Variants in WWOX observed in about 807,000 individuals in gnomAD.
The protein encoded by WWOX is WW domain-containing oxidoreductase.
A neutral mutation model predicts 46.2 loss-of-function variants in WWOX; 69 were observed. That is an observed-to-expected ratio of 1.49 (90% CI 1.23 to 1.82). WWOX has a LOEUF of 1.82. Among genes scored for constraint, WWOX ranks in the 40% most tolerant of loss-of-function variants. The pLI, the probability that WWOX is intolerant of heterozygous loss-of-function variation, is 0.00. For missense variants in WWOX, 919 were observed against 542.6 expected, an observed-to-expected ratio of 1.69 and a Z score of -6.89; for synonymous variants, 359 against 202.6, an observed-to-expected ratio of 1.77 and a Z score of -6.56.
intron 8 of WWOX, among the ~76,000 whole-genome samples, chr16:78,759,258 G>A (rs927459982): frequency 1.3e-5 from 2 of 152,192 alleles, no homozygotes; most frequent in African/African-American, 2.4e-5. Context: ...ATGTTTTGAA[G>A]GTGGGCATGG....
intron 8 of WWOX, among the ~76,000 whole-genome samples, chr16:78,772,630 G>A (rs1421572326): frequency 6.6e-6 from 1 of 152,222 alleles, no homozygotes; most frequent in Non-Finnish European, 1.5e-5. Context: ...GTTATTACCA[G>A]CATGGCTACT....
intron 8 of WWOX, among the ~76,000 whole-genome samples, chr16:79,155,632 C>T (rs1461963502): frequency 1.3e-5 from 2 of 149,410 alleles, no homozygotes; most frequent in East Asian, 1.9e-4. Context: ...CTCAATGATA[C>T]AGTGCGCATG....
chr16:78,306,686 C>T (rs967445688), intron 5 of WWOX, among the ~76,000 whole-genome samples: 2 of 151,492 alleles, frequency 1.3e-5, no homozygotes, highest in South Asian at 2.1e-4. Flanking sequence ...CCTGATGAGC[C>T]CTATGCCTTC....
chr16:78,754,840 A>C (rs968306764), intron 8 of WWOX, among the ~76,000 whole-genome samples: 1 of 152,148 alleles, frequency 6.6e-6, no homozygotes, highest in Non-Finnish European at 1.5e-5. Flanking sequence ...GAGCTGTACT[A>C]CCTCAGCTGG....
At chr16:78,538,965 C>T (rs1287011173) in intron 8 of WWOX, among the ~76,000 whole-genome samples, 1 of 152,174 alleles carries the variant, frequency 6.6e-6, no homozygotes, top group Non-Finnish European at 1.5e-5. Context: ...GACGGCAAAC[C>T]AAGCAATGCC....
chr16:78,555,582 C>T (rs1432127827), intron 8 of WWOX, among the ~76,000 whole-genome samples: 1 of 103,756 alleles, frequency 9.6e-6, no homozygotes, highest in Admixed American at 1.4e-4. Flanking sequence ...TAAAGGAGTG[C>T]CACTTTTTTT....
intron 8 of WWOX, among the ~76,000 whole-genome samples, chr16:78,499,002 A>G (rs1018695267): frequency 2.6e-5 from 4 of 152,238 alleles, no homozygotes; most frequent in African/African-American, 4.8e-5. Flanking sequence ...CTTTTTGTCT[A>G]TGAAGTACAC....
chr16:79,006,990 C>T (rs772300743), intron 8 of WWOX, among the ~76,000 whole-genome samples: 10 of 152,244 alleles, frequency 6.6e-5, no homozygotes, highest in South Asian at 6.2e-4. Flanking sequence ...CCCTTTGTCG[C>T]GTAACCTAAC....
intron 8 of WWOX, among the ~76,000 whole-genome samples, chr16:78,892,513 T>C (rs773550325): frequency 3.3e-5 from 5 of 152,192 alleles, no homozygotes; most frequent in Non-Finnish European, 7.3e-5. Context: ...CCAGAACACA[T>C]GTCAAGAAGT....
intron 5 of WWOX, among the ~76,000 whole-genome samples, chr16:78,221,313 T>C (rs749404196): frequency 1.3e-5 from 2 of 152,160 alleles, no homozygotes; most frequent in Non-Finnish European, 2.9e-5. Flanking sequence ...TTAGCTTTCA[T>C]AAAACAGAAA....
chr16:78,924,181 CG>C (rs2151273336), intron 8 of WWOX, among the ~76,000 whole-genome samples: 1 of 152,112 alleles, frequency 6.6e-6, no homozygotes, highest in South Asian at 2.1e-4. Flanking sequence ...CTGGGTAGAC[CG>C]GGGAAGGTAG....
chr16:78,706,105 C>G (rs1189795407), intron 8 of WWOX, among the ~76,000 whole-genome samples: 1 of 123,704 alleles, frequency 8.1e-6, no homozygotes, highest in Non-Finnish European at 1.6e-5. Flanking sequence ...TATTTGATGG[C>G]AAGTGTGATC....
intron 8 of WWOX, among the ~76,000 whole-genome samples, chr16:78,563,900 G>A (rs2044500766): frequency 6.6e-6 from 1 of 152,210 alleles, no homozygotes; most frequent in South Asian, 2.1e-4. Flanking sequence ...AGGATGGCAT[G>A]AAACTTGATT....
intron 1 of WWOX, among the ~76,000 whole-genome samples, chr16:78,105,599 TAA>T (rs1372127891): frequency 6.6e-6 from 1 of 152,166 alleles, no homozygotes; most frequent in Non-Finnish European, 1.5e-5. Flanking sequence ...TCTGAATAAA[TAA>T]AAACTGTTCT....
chr16:78,451,666 A>C (rs1280355928), intron 8 of WWOX, among the ~76,000 whole-genome samples: 1 of 152,220 alleles, frequency 6.6e-6, no homozygotes, highest in African/African-American at 2.4e-5. Context: ...GACACAGCTG[A>C]AACCTTTGGT....
intron 3 of WWOX, among the ~76,000 whole-genome samples, chr16:78,110,383 T>G (rs1257472181): frequency 6.6e-6 from 1 of 151,410 alleles, no homozygotes; most frequent in Non-Finnish European, 1.5e-5. Flanking sequence ...CTGTGTGGAC[T>G]GTTTAGTAAC....
intron 5 of WWOX, among the ~76,000 whole-genome samples, chr16:78,233,798 A>T (rs1168289130): frequency 6.6e-6 from 1 of 152,136 alleles, no homozygotes; most frequent in East Asian, 1.9e-4. Flanking sequence ...AAGTGCTAGG[A>T]TTACAGGCGT....
chr16:78,325,187 T>C (rs1377943449), intron 5 of WWOX, among the ~76,000 whole-genome samples: 1 of 152,222 alleles, frequency 6.6e-6, no homozygotes, highest in East Asian at 1.9e-4. Flanking sequence ...TCCTTTTCCG[T>C]CACCATGCAA....
At chr16:78,890,847 G>A (rs192986105) in intron 8 of WWOX, 6 of 152,220 alleles carry the variant, frequency 3.9e-5, no homozygotes, top group East Asian at 1.9e-4. Context: ...AGTAAAATGC[G>A]TTCATAGCTA....
Sources: gnomAD v4.1 joint callset for allele counts (sites outside exome capture counted in the v4.1 genomes callset) on GRCh38, gnomAD v4.1.1 for gene constraint, MANE v1.5 for transcripts, NCBI Gene and HGNC (gene_info 2026-07-23, HGNC 2026-07-21) for gene names.